RBFOX1: variants seen among roughly 807,000 people sequenced by gnomAD.
The protein encoded by RBFOX1 is RNA binding fox-1 homolog 1, also known as RNA binding protein fox-1 homolog 1.
A neutral mutation model predicts 57.7 loss-of-function variants in RBFOX1; 8 were observed. The ratio of observed to expected loss-of-function variants is 0.14; its 90% CI spans 0.08 to 0.25. The LOEUF (loss-of-function observed/expected upper bound fraction) is 0.25. Among genes scored for constraint, RBFOX1 ranks in the 10% least tolerant of loss-of-function variants. RBFOX1 has a pLI of 1.00. For synonymous variants in RBFOX1, 326 were observed against 222.4 expected (o/e 1.47, Z -4.15); for missense variants, 611 against 548.5 (o/e 1.11, Z -1.14).
rs1204235435 is a variant in RBFOX1, at chr16:6,369,953, A to G, written c.-64+52896A>G. 2.6e-5 allele frequency among the ~76,000 whole-genome samples: 4 copies of G among 152,220 alleles called. 1 individual carries two copies. Among genetic ancestry groups the G allele is most frequent in the Admixed American group, 2.6e-4 (4 of 15,288 alleles). On this transcript the variant is annotated intron_variant, in intron 2 of 15. Coordinates refer to ENST00000550418, the MANE Select transcript of RBFOX1 (RefSeq NM_018723.4). ...TTGATGGCAGTTTTGTTCATGGTCCAGAATCTAATCCATCATGCATTTCAT... is the reference window on the plus strand; with the variant it reads ...TTGATGGCAGTTTTGTTCATGGTCCGGAATCTAATCCATCATGCATTTCAT...
At chr16:6,827,358 A>G (rs1192391222) in intron 3 of RBFOX1, among the ~76,000 whole-genome samples, 1 of 152,156 alleles carries the variant, frequency 6.6e-6, no homozygotes, top group Non-Finnish European at 1.5e-5. Flanking sequence ...AAATGGGAAG[A>G]TGTGTTGTGT....
chr16:7,418,025 C>G (rs138572003), intron 4 of RBFOX1, among the ~76,000 whole-genome samples: 1 of 152,228 alleles, frequency 6.6e-6, no homozygotes, highest in East Asian at 1.9e-4. Context: ...TGGAGGTCCT[C>G]TATAGATTTT....
chr16:6,809,138 T>G (rs533212204), intron 3 of RBFOX1, among the ~76,000 whole-genome samples: 33 of 152,336 alleles, frequency 2.2e-4, no homozygotes, highest in African/African-American at 7.2e-4. Flanking sequence ...TTCAGCTGTT[T>G]GTGTACCTCA....
At chr16:6,931,311 A>G (rs1337394801) in intron 3 of RBFOX1, among the ~76,000 whole-genome samples, 2 of 127,236 alleles carry the variant, frequency 1.6e-5, no homozygotes, top group Non-Finnish European at 3.2e-5. Context: ...CTATCTATCT[A>G]TCTATCTATC....
chr16:6,003,819 T>C (rs1179200589), intron 4 of RBFOX1, among the ~76,000 whole-genome samples: 1 of 152,192 alleles, frequency 6.6e-6, no homozygotes, highest in Non-Finnish European at 1.5e-5. Context: ...GAGGAGGGTC[T>C]GTGCCCCCCA....
At chr16:5,452,434 C>G (rs1203714956) in intron 1 of RBFOX1, among the ~76,000 whole-genome samples, 1 of 151,930 alleles carries the variant, frequency 6.6e-6, no homozygotes, top group East Asian at 1.9e-4. Context: ...TTCTGCCTCT[C>G]ACATCTGATT....
chr16:6,432,665 G>A (rs2094132508), intron 2 of RBFOX1, among the ~76,000 whole-genome samples: 1 of 152,066 alleles, frequency 6.6e-6, no homozygotes, highest in Admixed American at 6.6e-5. Context: ...CTGAGTAACA[G>A]ATTGAGACCC....
intron 3 of RBFOX1, among the ~76,000 whole-genome samples, chr16:7,006,825 T>G (rs577715868): frequency 6.6e-6 from 1 of 152,270 alleles, no homozygotes; most frequent in South Asian, 2.1e-4. Context: ...CCAAGAACCC[T>G]CAGCTCCCAA....
chr16:7,039,708 C>A (rs2045578438), intron 3 of RBFOX1, among the ~76,000 whole-genome samples: 1 of 152,138 alleles, frequency 6.6e-6, no homozygotes, highest in Admixed American at 6.6e-5. Context: ...TTGTGTGATA[C>A]ACTTGCAAGA....
chr16:5,916,347 A>G (rs2058703603), intron 4 of RBFOX1, among the ~76,000 whole-genome samples: 1 of 151,994 alleles, frequency 6.6e-6, no homozygotes, highest in Admixed American at 6.6e-5. Flanking sequence ...ACTGTCTATC[A>G]GCTTGTATTA....
At chr16:5,626,776 T>A (rs990559030) in intron 3 of RBFOX1, among the ~76,000 whole-genome samples, 12 of 148,986 alleles carry the variant, frequency 8.1e-5, no homozygotes, top group African/African-American at 2.2e-4. Flanking sequence ...ACCAGGGTTT[T>A]AAAAAAAAAA....
intron 2 of RBFOX1, among the ~76,000 whole-genome samples, chr16:6,476,481 C>G (rs983133389): frequency 2.6e-5 from 4 of 152,332 alleles, no homozygotes; most frequent in East Asian, 3.9e-4. Flanking sequence ...TTGTACCATA[C>G]TGTAGTCTAT....
intron 1 of RBFOX1, among the ~76,000 whole-genome samples, chr16:6,102,110 G>T (rs111314719): frequency 0.012 from 1,835 of 147,422 alleles, 20 homozygotes; most frequent in Middle Eastern, 0.036. Context: ...TATAATTCAA[G>T]TATTCTGAAC....
intron 2 of RBFOX1, among the ~76,000 whole-genome samples, chr16:6,318,476 T>C (rs1277820053): frequency 1.3e-5 from 2 of 152,178 alleles, no homozygotes; most frequent in African/African-American, 4.8e-5. Flanking sequence ...TAGATGCCTT[T>C]GTTGGTGCTT....
intron 2 of RBFOX1, among the ~76,000 whole-genome samples, chr16:5,588,204 G>T (rs973231717): frequency 6.6e-6 from 1 of 152,124 alleles, no homozygotes; most frequent in South Asian, 2.1e-4. Flanking sequence ...GGGGCTGTGG[G>T]AATGGGGGGA....
At chr16:6,238,937 G>A (rs1203175168) in intron 1 of RBFOX1, among the ~76,000 whole-genome samples, 2 of 152,016 alleles carry the variant, frequency 1.3e-5, no homozygotes, top group African/African-American at 2.4e-5. Context: ...AAAATGTACC[G>A]TTAACTTATT....
chr16:6,243,753 C>G lies in RBFOX1; in HGVS notation c.-126-73242C>G, dbSNP rs74005038. On this transcript the variant is annotated intron_variant, in intron 1 of 15. Transcript: ENST00000550418. ...CTCCATTCAGAAATTGCTGGGGGCC[C>G]TAGCACCTTGGTTTGGTTGGTAGGA... Among the ~76,000 whole-genome samples the G allele has an allele frequency of 1.8e-3, 271 of 152,270 alleles. 2 individuals carry two copies. The highest frequency in any genetic ancestry group is 4.7e-3 in the African/African-American group (195 of 41,560).
intron 4 of RBFOX1, among the ~76,000 whole-genome samples, chr16:5,978,629 A>T (rs1288763906): frequency 1.3e-5 from 2 of 150,980 alleles, no homozygotes; most frequent in African/African-American, 2.4e-5. Context: ...CTCCTCTGTT[A>T]TGTGAAAAAG....
intron 4 of RBFOX1, among the ~76,000 whole-genome samples, chr16:7,472,645 A>G (rs9936852): frequency 1.3e-5 from 2 of 152,188 alleles, no homozygotes; most frequent in Non-Finnish European, 2.9e-5. Flanking sequence ...CACTGTAGCT[A>G]TTTTTGAGCA....
Sources: allele counts gnomAD v4.1 joint callset (sites outside exome capture counted in the v4.1 genomes callset), GRCh38; gene constraint gnomAD v4.1.1; transcripts MANE v1.5; gene names NCBI Gene and HGNC (gene_info 2026-07-23, HGNC 2026-07-21).